CCSER1: variants seen among roughly 807,000 people sequenced by gnomAD.
CCSER1 encodes the protein coiled-coil serine rich protein 1, also known as serine-rich coiled-coil domain-containing protein 1.
Under a neutral mutation model 82.0 loss-of-function variants are expected in CCSER1, and 41 were observed. That is an observed-to-expected ratio of 0.50 (90% CI 0.39 to 0.65). The LOEUF (loss-of-function observed/expected upper bound fraction) is 0.65. Ranked by LOEUF, CCSER1 falls within the 30% of genes least tolerant of loss-of-function variation. CCSER1 has a pLI of 0.00. For missense variants in CCSER1, 1,119 were observed against 1,064.2 expected (o/e 1.05, Z -0.72); for synonymous variants, 414 against 383.9 (o/e 1.08, Z -0.92).
rs560427606 is a variant in CCSER1 at position 90,842,279 on chromosome 4, C to G, written c.2094+26434C>G. 7.4e-4 allele frequency among the ~76,000 whole-genome samples: 112 copies of G among 152,124 alleles called. No individual in the cohort carries two copies. In the South Asian group the frequency reaches 8.1e-3, roughly 11 times the overall value. On this transcript the variant is annotated intron_variant, in intron 8 of 10. Coordinates refer to ENST00000509176, the MANE Select transcript of CCSER1 (RefSeq NM_001145065.2). Reference sequence around the variant, plus strand: ...CTCATTAAAATTCTTGTTATTTTTTCTTTGTCAAGAACAAGTTAGACAGAA... The same window carrying G: ...CTCATTAAAATTCTTGTTATTTTTTGTTTGTCAAGAACAAGTTAGACAGAA...
chr4:90,593,110 A>G (rs1401036620), intron 5 of CCSER1, among the ~76,000 whole-genome samples: 1 of 152,212 alleles, frequency 6.6e-6, no homozygotes, highest in Non-Finnish European at 1.5e-5. Context: ...AATGCTTGCA[A>G]AAATTACTAT....
At chr4:91,361,078 C>T (rs1749213466) in intron 10 of CCSER1, among the ~76,000 whole-genome samples, 1 of 146,078 alleles carries the variant, frequency 6.8e-6, no homozygotes, top group South Asian at 2.2e-4. Context: ...AAAGTTATCA[C>T]AGAGGGGGAG....
At chr4:90,665,952 A>G (rs1731703312) in intron 6 of CCSER1, among the ~76,000 whole-genome samples, 1 of 152,102 alleles carries the variant, frequency 6.6e-6, no homozygotes, top group South Asian at 2.1e-4. Context: ...GGTTGTTGGC[A>G]TAATTCATTT....
At chr4:90,622,684 G>T (rs947612405) in intron 5 of CCSER1, among the ~76,000 whole-genome samples, 1 of 152,030 alleles carries the variant, frequency 6.6e-6, no homozygotes, top group African/African-American at 2.4e-5. Context: ...CATTTGGGTT[G>T]GTTCCAAGTC....
At chr4:90,280,441 A>G (rs1728656580) in intron 1 of CCSER1, among the ~76,000 whole-genome samples, 1 of 151,632 alleles carries the variant, frequency 6.6e-6, no homozygotes, top group Non-Finnish European at 1.5e-5. Flanking sequence ...GGACTCACTG[A>G]ACCCAGAGAT....
At chr4:91,564,668 G>T (rs1762800375) in intron 10 of CCSER1, among the ~76,000 whole-genome samples, 2 of 151,554 alleles carry the variant, frequency 1.3e-5, no homozygotes, top group South Asian at 2.1e-4. Context: ...TTTTAATGTT[G>T]TTGGCCACAT....
intron 10 of CCSER1, among the ~76,000 whole-genome samples, chr4:91,207,277 C>T (rs574522526): frequency 7.8e-4 from 119 of 151,816 alleles, no homozygotes; most frequent in Admixed American, 1.2e-3. Flanking sequence ...GACTCGTGGA[C>T]TTGGTGTACG....
intron 10 of CCSER1, among the ~76,000 whole-genome samples, chr4:91,225,210 A>C (rs1581800291): frequency 7.0e-6 from 1 of 142,472 alleles, no homozygotes; most frequent in Non-Finnish European, 1.5e-5. Flanking sequence ...TATATATAAT[A>C]TATAATTGTA....
intron 5 of CCSER1, 79 bp downstream of exon 5, chr4:90,468,433 G>A: frequency 2.4e-6 from 3 of 1,251,692 alleles, no homozygotes; most frequent in Non-Finnish European, 3.3e-6. Flanking sequence ...TATAATAAAT[G>A]TGTTAATATT....
intron 7 of CCSER1, among the ~76,000 whole-genome samples, chr4:90,728,373 A>G (rs1744063197): frequency 6.9e-6 from 1 of 144,924 alleles, no homozygotes; most frequent in Admixed American, 6.8e-5. Context: ...CTGATAAAAC[A>G]ATATCAAGAA....
intron 9 of CCSER1, among the ~76,000 whole-genome samples, chr4:90,947,499 C>T (rs1732399128): frequency 6.6e-6 from 1 of 152,098 alleles, no homozygotes. Context: ...CTAGATTTTT[C>T]AAATATTTCA....
chr4:91,022,579 C>G (rs1046352001), intron 9 of CCSER1, among the ~76,000 whole-genome samples: 1 of 152,138 alleles, frequency 6.6e-6, no homozygotes, highest in Non-Finnish European at 1.5e-5. Flanking sequence ...CCTGAGGAAT[C>G]GCCACACTGA....
intron 1 of CCSER1, among the ~76,000 whole-genome samples, chr4:90,259,893 CTA>C (rs1157368991): frequency 6.6e-6 from 1 of 152,082 alleles, no homozygotes; most frequent in African/African-American, 2.4e-5. Flanking sequence ...ATTTTTGCAT[CTA>C]TGTTTATCAG....
chr4:90,636,446 AT>A (rs1370517035), intron 6 of CCSER1, among the ~76,000 whole-genome samples: 1 of 152,108 alleles, frequency 6.6e-6, no homozygotes, highest in East Asian at 1.9e-4. Flanking sequence ...AAATTACAGA[AT>A]TTTTTTATAA....
At chr4:91,591,756 GATGT>G (rs1186590756) in intron 10 of CCSER1, among the ~76,000 whole-genome samples, 1 of 152,104 alleles carries the variant, frequency 6.6e-6, no homozygotes, top group Non-Finnish European at 1.5e-5. Flanking sequence ...TTTACCCAAA[GATGT>G]ATGTACCCAC....
chr4:91,123,912 G>T (rs758360467), intron 10 of CCSER1, among the ~76,000 whole-genome samples: 3 of 151,688 alleles, frequency 2.0e-5, no homozygotes, highest in Non-Finnish European at 3.0e-5. Context: ...GTACTAGTCT[G>T]CTGGCATTCT....
At position 90,908,158 on chromosome 4, in the gene CCSER1, G is replaced by A. The variant is rs940713555; in HGVS notation, c.2095-15212G>A. Among the ~76,000 whole-genome samples the A allele has an allele frequency of 9.9e-5, 15 of 152,244 alleles. No homozygotes were observed. In the South Asian group the frequency reaches 2.3e-3, roughly 23 times the overall value. On this transcript the variant is annotated intron_variant, in intron 8 of 10. Transcript: ENST00000509176. ...CAAACCACAAATAAAAGAAATAATTGTCAGTCAAAATGACATTTAGCAAAA... is the reference window on the plus strand; with the variant it reads ...CAAACCACAAATAAAAGAAATAATTATCAGTCAAAATGACATTTAGCAAAA...
chr4:91,553,313 A>G (rs1425473551), intron 10 of CCSER1, among the ~76,000 whole-genome samples: 1 of 151,344 alleles, frequency 6.6e-6, no homozygotes, highest in Non-Finnish European at 1.5e-5. Flanking sequence ...ATTTTATTGA[A>G]GGATTTTTGC....
At chr4:91,401,669 G>A (rs930886934) in intron 10 of CCSER1, among the ~76,000 whole-genome samples, 1 of 151,844 alleles carries the variant, frequency 6.6e-6, no homozygotes, top group Admixed American at 6.6e-5. Context: ...CTGTCCTTGC[G>A]ATAGTTTGCT....
Sources: gnomAD v4.1 joint callset for allele counts (sites outside exome capture counted in the v4.1 genomes callset) on GRCh38, gnomAD v4.1.1 for gene constraint, MANE v1.5 for transcripts, NCBI Gene and HGNC (gene_info 2026-07-23, HGNC 2026-07-21) for gene names.